EHBP1: variants seen among roughly 807,000 people sequenced by gnomAD.
The protein encoded by EHBP1 is EH domain-binding protein 1.
In EHBP1, 55 loss-of-function variants were observed where a neutral mutation model predicts 144.0. That is an observed-to-expected ratio of 0.38 (90% CI 0.31 to 0.48). EHBP1 has a LOEUF of 0.48. Ranked by LOEUF, EHBP1 falls within the 20% of genes least tolerant of loss-of-function variation. The pLI is 0.98. For synonymous variants in EHBP1, 469 were observed against 472.7 expected (o/e 0.99, Z 0.10); for missense variants, 1,200 against 1,364.2 (o/e 0.88, Z 1.90).
intron 10 of EHBP1, among the ~76,000 whole-genome samples, chr2:62,932,339 T>G (rs1260793369): frequency 6.6e-6 from 1 of 152,022 alleles, no homozygotes; most frequent in East Asian, 1.9e-4. Context: ...CATTGATGAA[T>G]GAATGGAGAA....
rs1332526991 is a variant in EHBP1, at chr2:62,987,996, G to A, written c.2609-2720G>A. 5 of 1,607,912 alleles carry A rather than the reference G, an allele frequency of 3.1e-6. No homozygotes were observed. The African/African-American group carries it at 6.7e-5, about 21-fold the overall frequency. The stretch of plus-strand genomic sequence containing the variant: ...CCCTGAAGGCTTTGTTGTAGGAGGT[G>A]GAGATGAACTTACTAACTTAGAAAA... On this transcript the variant is annotated intron_variant, in intron 15 of 22. Transcript: ENST00000431489.
At chr2:62,967,242 C>G (rs979845565) in intron 14 of EHBP1, among the ~76,000 whole-genome samples, 1 of 152,174 alleles carries the variant, frequency 6.6e-6, no homozygotes, top group African/African-American at 2.4e-5. Context: ...GGGATTAGCC[C>G]TGTTCTGCTA....
intron 5 of EHBP1, among the ~76,000 whole-genome samples, chr2:62,794,314 A>T (rs2043382870): frequency 6.6e-6 from 1 of 152,092 alleles, no homozygotes; most frequent in South Asian, 2.1e-4. Context: ...TGTGAGAAAC[A>T]AAATTGCTAC....
intron 13 of EHBP1, 33 bp downstream of exon 13, chr2:62,949,195 A>G (rs776279987): frequency 6.8e-7 from 1 of 1,472,388 alleles, no homozygotes; most frequent in Non-Finnish European, 9.1e-7. Flanking sequence ...TACTATATTT[A>G]GTAATTAGTT....
At chr2:63,043,138 T>G (rs1471182029) in intron 21 of EHBP1, among the ~76,000 whole-genome samples, 1 of 152,186 alleles carries the variant, frequency 6.6e-6, no homozygotes, top group Non-Finnish European at 1.5e-5. Flanking sequence ...ACCTTTAAGA[T>G]CTTTCCAACC....
intron 9 of EHBP1, among the ~76,000 whole-genome samples, 173 bp from the exon 10 acceptor site, chr2:62,874,173 T>A (rs1286694077): frequency 6.6e-6 from 1 of 152,172 alleles, no homozygotes; most frequent in African/African-American, 2.4e-5. Context: ...AAAATAAATC[T>A]GGATAGAAAT....
intron 7 of EHBP1, among the ~76,000 whole-genome samples, chr2:62,837,229 C>T (rs1463432566): frequency 7.6e-5 from 11 of 143,800 alleles, no homozygotes; most frequent in Admixed American, 4.9e-4. Flanking sequence ...ATTTCATATC[C>T]AGCCAAACTA....
chr2:62,808,218 C>CA lies in EHBP1; in HGVS notation c.313-17869_313-17868insA, dbSNP rs1470193244. On this transcript the variant is annotated intron_variant, in intron 5 of 22. Transcript: ENST00000431489. ...ATTATTTCAATTATTTCTTCTGTTC[C>CA]TTTTTTTTTTTTTTTCCTCTGCTTC... is the stretch of plus-strand genomic sequence containing the variant. Among the ~76,000 whole-genome samples, 31 of 138,158 alleles carry CA rather than the reference C, an allele frequency of 2.2e-4. No individual in the cohort carries two copies. The East Asian group carries it at 4.0e-3, about 18-fold the overall frequency. 90.6% of individuals were successfully genotyped at this position (138,158 alleles called of 152,430 possible).
chr2:62,772,292 AC>A (rs1416835027), intron 5 of EHBP1, among the ~76,000 whole-genome samples: 1 of 152,072 alleles, frequency 6.6e-6, no homozygotes, highest in African/African-American at 2.4e-5. Context: ...CTAGATTGGT[AC>A]CTTAATAATC....
intron 5 of EHBP1, among the ~76,000 whole-genome samples, chr2:62,792,890 ATAAAAT>A (rs1447288260): frequency 6.6e-6 from 1 of 152,036 alleles, no homozygotes; most frequent in Non-Finnish European, 1.5e-5. Context: ...TAGTATGCAA[ATAAAAT>A]TGATAGGTTT....
intron 19 of EHBP1, among the ~76,000 whole-genome samples, chr2:63,014,469 A>G (rs989707048): frequency 2.6e-5 from 4 of 152,328 alleles, no homozygotes; most frequent in Admixed American, 6.5e-5. Flanking sequence ...ATTTAAGATT[A>G]TCTGCATAAA....
intron 19 of EHBP1, among the ~76,000 whole-genome samples, chr2:63,033,835 CTA>C (rs1238019023): frequency 6.6e-6 from 1 of 152,094 alleles, no homozygotes; most frequent in Non-Finnish European, 1.5e-5. Flanking sequence ...TTAACACTGA[CTA>C]TTGCATGTAC....
At chr2:62,763,099 G>C (rs1170984564) in intron 3 of EHBP1, among the ~76,000 whole-genome samples, 1 of 152,014 alleles carries the variant, frequency 6.6e-6, no homozygotes, top group Non-Finnish European at 1.5e-5. Flanking sequence ...GCATTTACAT[G>C]TGTGATTCCT....
intron 13 of EHBP1, among the ~76,000 whole-genome samples, chr2:62,953,237 A>G (rs1226303121): frequency 1.3e-5 from 2 of 151,730 alleles, no homozygotes; most frequent in Non-Finnish European, 2.9e-5. Flanking sequence ...AAAAAAAAAA[A>G]AAAAGGTATA....
chr2:62,758,235 A>G (rs936509353), intron 3 of EHBP1, among the ~76,000 whole-genome samples: 6 of 152,094 alleles, frequency 3.9e-5, no homozygotes, highest in Non-Finnish European at 7.4e-5. Context: ...CAGCCTCCTG[A>G]ATAGCTGGGA....
chr2:62,891,706 A>G (rs1192385055), intron 10 of EHBP1, among the ~76,000 whole-genome samples: 2 of 152,130 alleles, frequency 1.3e-5, no homozygotes, highest in African/African-American at 4.8e-5. Context: ...CATTAGCGCT[A>G]TTATCATTAA....
chr2:62,772,767 C>G (rs1458111706), intron 5 of EHBP1, among the ~76,000 whole-genome samples: 1 of 152,188 alleles, frequency 6.6e-6, no homozygotes, highest in Non-Finnish European at 1.5e-5. Flanking sequence ...TCTAAAATGT[C>G]TTTATAACAG....
intron 10 of EHBP1, among the ~76,000 whole-genome samples, chr2:62,922,377 A>T (rs906067746): frequency 4.6e-5 from 7 of 152,196 alleles, no homozygotes; most frequent in Non-Finnish European, 7.4e-5. Context: ...CTTCAAATGG[A>T]TTAAACCCTC....
intron 5 of EHBP1, among the ~76,000 whole-genome samples, chr2:62,784,760 A>G (rs2042691765): frequency 6.6e-6 from 1 of 152,214 alleles, no homozygotes; most frequent in Admixed American, 6.5e-5. Flanking sequence ...AGCTATCAAC[A>G]TGAGCCCTTA....
Sources: allele counts gnomAD v4.1 joint callset (sites outside exome capture counted in the v4.1 genomes callset), GRCh38; gene constraint gnomAD v4.1.1; transcripts MANE v1.5; gene names NCBI Gene and HGNC (gene_info 2026-07-23, HGNC 2026-07-21).